Variants in IGSF21 observed in about 807,000 individuals in gnomAD.
The protein encoded by IGSF21 is immunoglobulin superfamily member 21.
A neutral mutation model predicts 46.8 loss-of-function variants in IGSF21; 28 were observed. That is an observed-to-expected ratio of 0.60 (90% CI 0.44 to 0.82). IGSF21 has a LOEUF of 0.82. Among genes scored for constraint, IGSF21 ranks in the 40% least tolerant of loss-of-function variants. The pLI is 0.00. For synonymous variants in IGSF21, 284 were observed against 273.6 expected, an observed-to-expected ratio of 1.04 and a Z score of -0.38; for missense variants, 624 against 665.5, an observed-to-expected ratio of 0.94 and a Z score of 0.69.
chr1:18,273,332 T>C (rs142914702), intron 2 of IGSF21, among the ~76,000 whole-genome samples: 24,697 of 62,702 alleles, frequency 0.39, 3,008 homozygotes, highest in African/African-American at 0.43. Context: ...TGAGCCACCA[T>C]TCCTTTCCTT....
chr1:18,159,144 G>T (rs778516836), intron 1 of IGSF21, among the ~76,000 whole-genome samples: 3 of 152,202 alleles, frequency 2.0e-5, no homozygotes, highest in Non-Finnish European at 4.4e-5. Context: ...CAGCTGTTCT[G>T]TTCTATTGAC....
At chr1:18,243,929 A>G (rs1333005925) in intron 2 of IGSF21, among the ~76,000 whole-genome samples, 1 of 152,120 alleles carries the variant, frequency 6.6e-6, no homozygotes, top group Admixed American at 6.6e-5. Context: ...CACCTCCCCC[A>G]TTCTCCATAT....
chr1:18,254,107 C>T (rs1474777744), intron 2 of IGSF21, among the ~76,000 whole-genome samples: 1 of 152,146 alleles, frequency 6.6e-6, no homozygotes, highest in African/African-American at 2.4e-5. Flanking sequence ...GATGTAGAAG[C>T]TGAGGTTTAG....
At chr1:18,177,388 G>GATGGC (rs11275420) in intron 1 of IGSF21, among the ~76,000 whole-genome samples, 73,104 of 137,888 alleles carry the variant, frequency 0.53, 19,692 homozygotes, top group Middle Eastern at 0.65. Context: ...GATGGGGTCA[G>GATGGC]TGAGGTGTGT....
At chr1:18,302,246 C>G (rs1433392179) in intron 3 of IGSF21, among the ~76,000 whole-genome samples, 1 of 152,166 alleles carries the variant, frequency 6.6e-6, no homozygotes, top group Non-Finnish European at 1.5e-5. Context: ...AGAATTGAAC[C>G]TGCCTGCTGT....
intron 1 of IGSF21, among the ~76,000 whole-genome samples, chr1:18,204,567 G>C (rs901680179): frequency 1.3e-5 from 2 of 152,170 alleles, no homozygotes; most frequent in African/African-American, 2.4e-5. Flanking sequence ...CTGAATGTGT[G>C]CTCAGAGGTG....
chr1:18,171,440 T>G (rs1031134553), intron 1 of IGSF21, among the ~76,000 whole-genome samples: 1 of 152,056 alleles, frequency 6.6e-6, no homozygotes, highest in Non-Finnish European at 1.5e-5. Flanking sequence ...TGGCAAGGGC[T>G]AAGTAATAAT....
chr1:18,206,693 G>C (rs113431971), intron 1 of IGSF21, among the ~76,000 whole-genome samples: 7 of 152,288 alleles, frequency 4.6e-5, no homozygotes, highest in African/African-American at 1.7e-4. Context: ...TGGTAGAAGT[G>C]AGGCTGGAGT....
At chr1:18,325,640 G>T (rs1019436951) in intron 3 of IGSF21, among the ~76,000 whole-genome samples, 2 of 152,158 alleles carry the variant, frequency 1.3e-5, no homozygotes, top group Middle Eastern at 3.2e-3. Context: ...ACCATAATCT[G>T]CGCTGGAACC....
intron 1 of IGSF21, among the ~76,000 whole-genome samples, chr1:18,201,214 G>T (rs2087070892): frequency 6.6e-6 from 1 of 152,120 alleles, no homozygotes; most frequent in African/African-American, 2.4e-5. Flanking sequence ...CTGAGTCAGG[G>T]ACTGAGCGCG....
At chr1:18,170,090 T>G (rs1404080695) in intron 1 of IGSF21, among the ~76,000 whole-genome samples, 1 of 152,194 alleles carries the variant, frequency 6.6e-6, no homozygotes, top group African/African-American at 2.4e-5. Context: ...GTGGTAGCTG[T>G]GAGTGCCCTC....
intron 2 of IGSF21, among the ~76,000 whole-genome samples, chr1:18,287,023 T>C (rs2124560980): frequency 6.6e-6 from 1 of 150,856 alleles, no homozygotes; most frequent in South Asian, 2.1e-4. Flanking sequence ...CTACTAAAAA[T>C]ACAAAAAATT....
At chr1:18,267,442 G>A (rs1463886630) in intron 2 of IGSF21, among the ~76,000 whole-genome samples, 1 of 152,086 alleles carries the variant, frequency 6.6e-6, no homozygotes, top group Non-Finnish European at 1.5e-5. Flanking sequence ...CCCTGCCCTG[G>A]CCTCCCACTT....
In IGSF21 at chr1:18,170,693, G is replaced by A. The variant is rs922422763; in HGVS notation, c.71-57205G>A. On this transcript the variant is annotated intron_variant, in intron 1 of 9. Transcript: ENST00000251296. ...CAATTGTCAGAGCTGGGATTTGAAC[G>A]TACACTGCCTGACTCTGGAGTCCAT... Among the ~76,000 whole-genome samples the A allele has an allele frequency of 5.5e-4, 84 of 151,976 alleles. 1 individual carries two copies. The highest frequency in any genetic ancestry group is 1.8e-3 in the African/African-American group (76 of 41,396).
At chr1:18,303,575 G>A (rs1249762988) in intron 3 of IGSF21, among the ~76,000 whole-genome samples, 2 of 152,212 alleles carry the variant, frequency 1.3e-5, no homozygotes, top group African/African-American at 2.4e-5. Flanking sequence ...CCTGGGGGGA[G>A]TAATGGGAAG....
intron 1 of IGSF21, among the ~76,000 whole-genome samples, chr1:18,180,348 G>A (rs1338786972): frequency 6.6e-6 from 1 of 152,170 alleles, no homozygotes; most frequent in Non-Finnish European, 1.5e-5. Context: ...CACATACATG[G>A]CAGTTACAAC....
At position 18,178,893 on chromosome 1, in the gene IGSF21, G is replaced by C. The variant is rs1376077736; in HGVS notation, c.71-49005G>C. ...GCCCTTCCTCTCTTTGAGAATCTAA[G>C]GGCATAAGTTAGATAACCGTGACAC... On this transcript the variant is annotated intron_variant, in intron 1 of 9. Coordinates refer to ENST00000251296, the MANE Select transcript of IGSF21 (RefSeq NM_032880.5). Among the ~76,000 whole-genome samples, 7 of 152,318 alleles carry C rather than the reference G, an allele frequency of 4.6e-5. No individual in the cohort carries two copies. The East Asian group carries it at 1.3e-3, about 29-fold the overall frequency.
chr1:18,314,482 G>C (rs1459534345), intron 3 of IGSF21, among the ~76,000 whole-genome samples: 1 of 152,194 alleles, frequency 6.6e-6, no homozygotes, highest in Admixed American at 6.5e-5. Context: ...CTTTAATTGA[G>C]TGGGTTTGAC....
intron 2 of IGSF21, among the ~76,000 whole-genome samples, chr1:18,263,160 A>G (rs1470313986): frequency 1.3e-5 from 2 of 152,206 alleles, no homozygotes; most frequent in African/African-American, 2.4e-5. Context: ...AAATAAAAGA[A>G]CAACAACTCA....
Sources: allele counts gnomAD v4.1 joint callset (sites outside exome capture counted in the v4.1 genomes callset), GRCh38; gene constraint gnomAD v4.1.1; transcripts MANE v1.5; gene names NCBI Gene and HGNC (gene_info 2026-07-23, HGNC 2026-07-21).